SH3TC1: variants seen among roughly 807,000 people sequenced by gnomAD.
The protein encoded by SH3TC1 is SH3 domain and tetratricopeptide repeats 1.
In SH3TC1, 135 loss-of-function variants were observed where a neutral mutation model predicts 117.3. The ratio of observed to expected loss-of-function variants is 1.15; its 90% CI spans 1.00 to 1.33. The LOEUF is 1.33. Among genes scored for constraint, SH3TC1 ranks in the 40% most tolerant of loss-of-function variants. The pLI is 0.00. For missense variants in SH3TC1, 2,092 were observed against 1,794.3 expected, an observed-to-expected ratio of 1.17 and a Z score of -3.00; for synonymous variants, 898 against 816.9, an observed-to-expected ratio of 1.10 and a Z score of -1.69.
intron 17 of SH3TC1, among the ~76,000 whole-genome samples, chr4:8,238,430 C>A (rs755316021): frequency 5.9e-5 from 9 of 152,206 alleles, no homozygotes; most frequent in Admixed American, 2.0e-4. Context: ...GCCCAGCAGG[C>A]GCCCGCCCCT....
Position 8,206,215 on chromosome 4 carries a change from G to A in SH3TC1, c.172+849G>A. The stretch of plus-strand genomic sequence containing the variant: ...GATCCTGCCCTTCTGCTTGAGGGTG[G>A]AGATGGGAGGGGGTGGATGGCCTCC... On this transcript the variant is annotated intron_variant, in intron 2 of 17. Transcript: ENST00000245105. This position sits in a 1 kb window ranked among gnomAD's most constrained non-coding sequence, Gnocchi z 5.5. The A allele has an allele frequency of 6.5e-6, 1 of 154,780 alleles. No individual in the cohort carries two copies. The highest frequency in any genetic ancestry group is 6.3e-5 in the Admixed American group (1 of 15,908). The allele number at this position is 154,780 out of a possible 1,614,324, so 9.6% of individuals were successfully genotyped here. A position where few individuals can be genotyped will look rare whatever the true frequency, so the allele number is the denominator to read the frequency against.
chr4:8,234,368 G>A (rs956657641), intron 14 of SH3TC1, among the ~76,000 whole-genome samples: 18 of 149,648 alleles, frequency 1.2e-4, no homozygotes, highest in Admixed American at 8.0e-4. Flanking sequence ...CCATACATTC[G>A]TCTATCCACC....
rs144056490 is a variant in SH3TC1, at chr4:8,236,314, C to T, written c.3442C>T (p.Arg1148Cys). ...ALPLAVTTGNRKAELRLCNKL... is the reference protein window; with the variant it reads ...ALPLAVTTGNCKAELRLCNKL... The stretch of plus-strand genomic sequence containing the variant: ...GCCCCTGGCAGTGACTACGGGCAAC[C>T]GCAAGGCGGAGCTGCGGCTGTGCAA... Residue 1148 changes from arginine (R) to cysteine (C), a missense_variant, in exon 16 of 18, where the codon CGC (arginine) becomes TGC (cysteine). Arg to Cys is a radical substitution (Grantham distance 180). Transcript: ENST00000245105. 2.8e-4 allele frequency: 436 copies of T among 1,555,710 alleles called. 5 individuals carry two copies. In the South Asian group the frequency reaches 3.2e-3, roughly 11 times the overall value.
At chr4:8,196,877 G>A (rs1717570370), upstream of SH3TC1, among the ~76,000 whole-genome samples, 1 of 152,158 alleles carries the variant, frequency 6.6e-6, no homozygotes, top group Non-Finnish European at 1.5e-5. This position sits in a 1 kb window ranked among gnomAD's most constrained non-coding sequence, Gnocchi z 4.6. Context: ...CAGGCTGCAG[G>A]GACTGCAGGC....
At position 8,213,888 on chromosome 4, in the gene SH3TC1, G is replaced by GA. The variant is rs57544974; in HGVS notation, c.376-572dup. Among the ~76,000 whole-genome samples the GA allele has an allele frequency of 1.5e-3, 216 of 140,708 alleles. 1 individual carries two copies. Among genetic ancestry groups the GA allele is most frequent in the African/African-American group, 5.5e-3 (210 of 38,240 alleles). The allele number at this position is 140,708 out of a possible 152,430, so 92.3% of individuals were successfully genotyped here. On this transcript the variant is annotated intron_variant, in intron 4 of 17. Coordinates refer to ENST00000245105, the MANE Select transcript of SH3TC1 (RefSeq NM_018986.5). ...GCAGCAGAGTGGGGCCTCATCTCTG[G>GA]AAAAAAAAAAAAAAAGAAAGAAACG...
At chr4:8,200,709 G>T (rs1039504665) in intron 1 of SH3TC1, among the ~76,000 whole-genome samples, 2 of 152,204 alleles carry the variant, frequency 1.3e-5, no homozygotes, top group Admixed American at 1.3e-4. Flanking sequence ...GTGTTCTCTC[G>T]CGGCTCTGGA....
Position 8,233,474 on chromosome 4 carries a change from C to A in SH3TC1, c.3243C>A (p.Tyr1081Ter). 1.2e-6 allele frequency: 2 copies of A among 1,613,616 alleles called. No individual in the cohort carries two copies. Among genetic ancestry groups the A allele is most frequent in the Non-Finnish European group, 1.7e-6 (2 of 1,179,814 alleles). Reference sequence around the variant, plus strand: ...GGCTGCAAGCAGGGAAGATCTATTACATCTTGCGGCAGAGCGAGCTGGTGG... The same window carrying A: ...GGCTGCAAGCAGGGAAGATCTATTAAATCTTGCGGCAGAGCGAGCTGGTGG... The part of the protein sequence containing the change: ...HAWLQAGKIY[Y>*]ILRQSELVDL... Residue 1081 changes from tyrosine (Y) to a stop codon, truncating the protein, a stop_gained, in exon 14 of 18, where the codon TAC becomes TAA. Transcript: ENST00000245105. LOFTEE classifies it high-confidence loss of function.
chr4:8,213,544 C>T (rs1286093953), intron 4 of SH3TC1, among the ~76,000 whole-genome samples: 2 of 152,150 alleles, frequency 1.3e-5, no homozygotes, highest in Non-Finnish European at 2.9e-5. Flanking sequence ...ACTGGGTCAG[C>T]ATGCTGGCTC....
intron 15 of SH3TC1, chr4:8,235,903 C>G (rs969765837): frequency 2.8e-6 from 1 of 358,608 alleles, no homozygotes; most frequent in Non-Finnish European, 5.1e-6. Context: ...AGGGCCAGGG[C>G]CCAGGTCTGC....
rs1395449043 is a variant in SH3TC1, at chr4:8,205,015, C to T, written c.-28-152C>T. On this transcript the variant is annotated intron_variant, in intron 1 of 17. Coordinates refer to ENST00000245105, the MANE Select transcript of SH3TC1 (RefSeq NM_018986.5). The surrounding 1 kb of genome is among the most constrained non-coding windows in gnomAD (Gnocchi z 5.4). ...GTGCGGGATCACGCCCACCACAACACGGTGCACGGTGCGGTGAGGGGCTCG... is the reference window on the plus strand; with the variant it reads ...GTGCGGGATCACGCCCACCACAACATGGTGCACGGTGCGGTGAGGGGCTCG... 3.0e-5 allele frequency: 16 copies of T among 539,066 alleles called. No individual in the cohort carries two copies. Among genetic ancestry groups the T allele is most frequent in the Admixed American group, 1.1e-4 (3 of 26,786 alleles). 33.4% of individuals were successfully genotyped at this position (539,066 alleles called of 1,614,324 possible). A position where few individuals can be genotyped will look rare whatever the true frequency, so the allele number is the denominator to read the frequency against.
At chr4:8,208,145 C>A (rs539730247) in intron 2 of SH3TC1, among the ~76,000 whole-genome samples, 1 of 152,234 alleles carries the variant, frequency 6.6e-6, no homozygotes, top group Non-Finnish European at 1.5e-5. Flanking sequence ...ATCTGCATGG[C>A]CTGCATTCCC....
intron 13 of SH3TC1, 40 bp downstream of exon 13, chr4:8,232,196 G>A (rs1346967746): frequency 2.9e-5 from 9 of 307,890 alleles, no homozygotes; most frequent in African/African-American, 2.2e-4. Flanking sequence ...GGGGGGAGGG[G>A]GCAAAGGGGG....
chr4:8,232,164 C>G lies in SH3TC1; in HGVS notation c.3131+8C>G. On this transcript the variant is annotated splice_region_variant and intron_variant, in intron 13 of 17. Transcript: ENST00000245105. ...GTCCCTGGGCACCGAGCGGTGAGGGCTGGCTCTGTGGTGGTGGGGGCGGGG... is the reference window on the plus strand; with the variant it reads ...GTCCCTGGGCACCGAGCGGTGAGGGGTGGCTCTGTGGTGGTGGGGGCGGGG... The G allele has an allele frequency of 7.4e-7, 1 of 1,348,588 alleles. No homozygotes were observed. Among genetic ancestry groups the G allele is most frequent in the Non-Finnish European group, 9.8e-7 (1 of 1,019,146 alleles). The allele number at this position is 1,348,588 out of a possible 1,614,324, so 83.5% of individuals were successfully genotyped here. A position where few individuals can be genotyped will look rare whatever the true frequency, so the allele number is the denominator to read the frequency against.
chr4:8,238,413 C>T (rs1028143664), intron 17 of SH3TC1, among the ~76,000 whole-genome samples: 1 of 152,174 alleles, frequency 6.6e-6, no homozygotes, highest in East Asian at 1.9e-4. Flanking sequence ...GATGTCCCCA[C>T]CCCCTTGCCC....
chr4:8,184,539 C>T (rs556214753), intron 1 of SH3TC1, among the ~76,000 whole-genome samples: 1 of 152,272 alleles, frequency 6.6e-6, no homozygotes, highest in South Asian at 2.1e-4. Context: ...GCCACCACAC[C>T]CAGCTAATTT....
rs1279309007 is a variant in SH3TC1, at chr4:8,237,605, G to T, written c.3688G>T (p.Glu1230Ter). Reference protein sequence around the residue: ...SLCNSPLEFDEETLYYVKVYL... With the variant: ...SLCNSPLEFD ...CTGCAACTCGCCGCTGGAGTTTGAC[G>T]AGGAGACCCTCTACTACGTGAAGGT... is the stretch of plus-strand genomic sequence containing the variant. The change falls in exon 17 of 18, where the codon GAG becomes TAG. Residue 1230 changes from glutamate (E) to a stop codon, truncating the protein, a stop_gained. Transcript: ENST00000245105. LOFTEE classifies it high-confidence loss of function. 2 of 1,612,490 alleles carry T rather than the reference G, an allele frequency of 1.2e-6. No individual in the cohort carries two copies. Among genetic ancestry groups the T allele is most frequent in the Admixed American group, 3.3e-5 (2 of 59,886 alleles).
rs760718558 is a variant in SH3TC1, at chr4:8,227,666, G to A, written c.1972G>A (p.Gly658Ser). The A allele has an allele frequency of 2.8e-5, 43 of 1,532,992 alleles. 1 individual carries two copies. In the South Asian group the frequency reaches 5.2e-4, roughly 18 times the overall value. The allele number at this position is 1,532,992 out of a possible 1,614,324, so 95.0% of individuals were successfully genotyped here. A position where few individuals can be genotyped will look rare whatever the true frequency, so the allele number is the denominator to read the frequency against. ...GCTGGCGCTGCGGCGGGCGGTGGGT[G>A]GCCAGAGCCTGCAGGCCGAGGCCCG... is the stretch of plus-strand genomic sequence containing the variant. The part of the protein sequence containing the change: ...LQLALRRAVG[G>S]QSLQAEARAC... The change falls in exon 12 of 18, where the codon GGC becomes AGC. Residue 658 changes from glycine (G) to serine (S), a missense_variant. By Grantham distance (56) the Gly-to-Ser change is moderately conservative. Coordinates refer to ENST00000245105, the MANE Select transcript of SH3TC1 (RefSeq NM_018986.5).
At chr4:8,232,594 T>C in intron 13 of SH3TC1, 1 of 1,351,120 alleles carries the variant, frequency 7.4e-7, no homozygotes, top group African/African-American at 1.5e-5. Context: ...TTGTGTCACC[T>C]GCTTCCCTGG....
intron 2 of SH3TC1, among the ~76,000 whole-genome samples, chr4:8,207,718 C>A (rs1051721893): frequency 6.6e-6 from 1 of 152,196 alleles, no homozygotes; most frequent in African/African-American, 2.4e-5. Context: ...TTTGGGCTTT[C>A]CCTGTGTCTT....
Sources: allele counts gnomAD v4.1 joint callset (sites outside exome capture counted in the v4.1 genomes callset), GRCh38; gene constraint gnomAD v4.1.1; non-coding constraint Gnocchi (gnomAD v3.1); transcripts MANE v1.5; gene names NCBI Gene and HGNC (gene_info 2026-07-23, HGNC 2026-07-21).